The following LRRC15 variants were observed in gnomAD, a reference collection of about 807,000 sequenced individuals.
LRRC15 encodes leucine-rich repeat-containing protein 15.
Under a neutral mutation model 4.3 loss-of-function variants are expected in LRRC15, and 5 were observed. That is an observed-to-expected ratio of 1.16 (90% CI 0.61 to 2.44). The LOEUF is 2.44. Ranked by LOEUF, LRRC15 falls within the 30% of genes most tolerant of loss-of-function variation. LRRC15 has a pLI of 0.01. For missense variants in LRRC15, 769 were observed against 747.0 expected (o/e 1.03, Z -0.34); for synonymous variants, 337 against 323.2 (o/e 1.04, Z -0.46).
In LRRC15 at chr3:194,360,775, G is replaced by A. The variant is rs544084516; in HGVS notation, c.269C>T (p.Ser90Leu). Residue 90 changes from serine to leucine, a missense_variant, in exon 2 of 2, where the codon TCG becomes TTG. Transcript: ENST00000347624. Reference sequence around the variant, plus strand: ...TCGGAAGGCCCCAGGCGTGATGCGCGACAGCTCATTCTTCTCAATCCTCAG... The same window carrying A: ...TCGGAAGGCCCCAGGCGTGATGCGCAACAGCTCATTCTTCTCAATCCTCAG... ...IALRIEKNELSRITPGAFRNL... is the reference protein window; with the variant it reads ...IALRIEKNELLRITPGAFRNL... 33 of 1,614,214 alleles carry A rather than the reference G, an allele frequency of 2.0e-5. No individual in the cohort carries two copies. The highest frequency in any genetic ancestry group is 1.6e-4 in the Middle Eastern group (1 of 6,062).
intron 1 of LRRC15, among the ~76,000 whole-genome samples, chr3:194,363,621 CAT>C (rs1378823598): frequency 6.7e-6 from 1 of 148,722 alleles, no homozygotes; most frequent in Non-Finnish European, 1.5e-5. Context: ...AGAAGTATCA[CAT>C]GTGGAAAAAA....
Position 194,359,436 on chromosome 3 carries a change from C to G in LRRC15, c.1608G>C (p.Gln536His). 3 of 1,614,190 alleles carry G rather than the reference C, an allele frequency of 1.9e-6. No individual in the cohort carries two copies. The highest frequency in any genetic ancestry group is 2.2e-5 in the East Asian group (1 of 44,862). ...DRSVWGMTQA[Q>H]SGLAIAAIVI... Reference sequence around the variant, plus strand: ...CAATGGCGGCAATGGCCAGCCCGCTCTGGGCCTGGGTCATGCCCCAAACGC... The same window carrying G: ...CAATGGCGGCAATGGCCAGCCCGCTGTGGGCCTGGGTCATGCCCCAAACGC... Residue 536 changes from glutamine to histidine, a missense_variant, in exon 2 of 2, where the codon CAG becomes CAC. Gln to His is a conservative substitution (Grantham distance 24). Coordinates refer to ENST00000347624, the MANE Select transcript of LRRC15 (RefSeq NM_130830.5).
chr3:194,365,689 A>G (rs186421505), intron 1 of LRRC15, among the ~76,000 whole-genome samples: 2 of 152,118 alleles, frequency 1.3e-5, no homozygotes, highest in African/African-American at 4.8e-5. Flanking sequence ...TCTCTTCCCC[A>G]GAGGACCTGC....
At chr3:194,367,153 A>G (rs907790321) in intron 1 of LRRC15, among the ~76,000 whole-genome samples, 2 of 152,090 alleles carry the variant, frequency 1.3e-5, no homozygotes, top group Admixed American at 6.5e-5. Flanking sequence ...TGTTTGTTCA[A>G]TTCCACCTGA....
intron 1 of LRRC15, chr3:194,363,353 T>C (rs1713689901): frequency 1.4e-6 from 1 of 714,260 alleles, no homozygotes; most frequent in Non-Finnish European, 2.6e-6. Context: ...GGAAAAAGAA[T>C]ACCTTGTCCA....
intron 1 of LRRC15, chr3:194,363,502 A>T (rs908232388): frequency 2.0e-6 from 1 of 498,328 alleles, no homozygotes; most frequent in African/African-American, 2.0e-5. Context: ...ACACCAAAAA[A>T]AGTGGCTCAA....
Position 194,359,495 on chromosome 3 carries a change from C to T in LRRC15, c.1549G>A (p.Asp517Asn), listed in dbSNP as rs1560044337. The change falls in exon 2 of 2, where the codon GAT becomes AAT. Residue 517 changes from aspartate (D) to asparagine (N), a missense_variant. By Grantham distance (23) the Asp-to-Asn change is conservative. Coordinates refer to ENST00000347624, the MANE Select transcript of LRRC15 (RefSeq NM_130830.5). ...TCAGTGACCTGAATGGTAGTCAGAT[C>T]AGTGTAGTCTTCCACAGGGCTGGTT... ...ELTSPVEDYTDLTTIQVTDDR... is the reference protein window; with the variant it reads ...ELTSPVEDYTNLTTIQVTDDR... The T allele has an allele frequency of 1.9e-6, 3 of 1,614,254 alleles. No individual in the cohort carries two copies. Among genetic ancestry groups the T allele is most frequent in the Non-Finnish European group, 8.5e-7 (1 of 1,180,046 alleles).
At position 194,355,475 on chromosome 3, in the gene LRRC15, G is replaced by A. The variant is rs1713399797; in HGVS notation, c.*3823C>T. On this transcript the variant is annotated 3_prime_UTR_variant, in exon 2 of 2. Transcript: ENST00000347624. ...AAGGCAGCATGAAGGCAGCGGGTTG[G>A]TGAGAACAATCTCTCCTTAAGAGAA... 1 of 152,274 alleles carries A rather than the reference G, an allele frequency of 6.6e-6. No homozygotes were observed. The highest frequency in any genetic ancestry group is 1.5e-5 in the Non-Finnish European group (1 of 68,072). The allele number at this position is 152,274 out of a possible 1,614,324, so 9.4% of individuals were successfully genotyped here.
At chr3:194,364,195 G>A (rs1713713435) in intron 1 of LRRC15, among the ~76,000 whole-genome samples, 1 of 152,300 alleles carries the variant, frequency 6.6e-6, no homozygotes, top group South Asian at 2.1e-4. Context: ...AAGACCTTAG[G>A]ATTCTAAGGC....
At chr3:194,363,463 C>G (rs975210214) in intron 1 of LRRC15, 4 of 620,716 alleles carry the variant, frequency 6.4e-6, no homozygotes, top group Non-Finnish European at 8.8e-6. Context: ...CAGAACCCAG[C>G]AACAGAAAAC....
Position 194,359,294 on chromosome 3 carries a change from C to T in LRRC15, c.*4G>A, listed in dbSNP as rs1560044133. ...ATTCCCCAGCCCTGCTCCAGCCTGC[C>T]TCTTTAACACTCATTGGGTGCCTTC... is the stretch of plus-strand genomic sequence containing the variant. On this transcript the variant is annotated 3_prime_UTR_variant, in exon 2 of 2. Coordinates refer to ENST00000347624, the MANE Select transcript of LRRC15 (RefSeq NM_130830.5). 1.3e-6 allele frequency: 2 copies of T among 1,549,720 alleles called. No homozygotes were observed. Among genetic ancestry groups the T allele is most frequent in the South Asian group, 2.5e-5 (2 of 80,166 alleles).
chr3:194,356,137 A>C lies in LRRC15; in HGVS notation c.*3161T>G, dbSNP rs1713418848. On this transcript the variant is annotated 3_prime_UTR_variant, in exon 2 of 2. Transcript: ENST00000347624. ...CTATTGAACACCATGCAGAAGAGCA[A>C]GTGCCTCTGTACCCCATCACAAGTG... 1 of 152,260 alleles carries C rather than the reference A, an allele frequency of 6.6e-6. No individual in the cohort carries two copies. The highest frequency in any genetic ancestry group is 2.1e-4 in the South Asian group (1 of 4,832). 9.4% of individuals were successfully genotyped at this position (152,260 alleles called of 1,614,324 possible). A position where few individuals can be genotyped will look rare whatever the true frequency, so the allele number is the denominator to read the frequency against.
intron 1 of LRRC15, 124 bp from the exon 2 acceptor site, chr3:194,361,170 C>T (rs1017515798): frequency 1.8e-5 from 14 of 776,618 alleles, no homozygotes; most frequent in African/African-American, 3.5e-5. Flanking sequence ...ACATACTGAA[C>T]ACATGCTCTC....
In LRRC15 at chr3:194,359,644, A is replaced by G. The variant is rs1214590465; in HGVS notation, c.1400T>C (p.Ile467Thr). Residue 467 changes from isoleucine (I) to threonine (T), a missense_variant, in exon 2 of 2, where the codon ATC becomes ACC. Physicochemically the swap from Ile to Thr is moderately conservative, Grantham distance 89. Transcript: ENST00000347624. ...GCTTGGAACAGCAACGTTGACATTG[A>G]TGATAATGAGGGACTGGCCTCGGAC... ...ANVRGQSLII[I>T]NVNVAVPSVH... The G allele has an allele frequency of 6.2e-7, 1 of 1,614,112 alleles. No individual in the cohort carries two copies. Among genetic ancestry groups the G allele is most frequent in the African/African-American group, 1.3e-5 (1 of 75,064 alleles).
Position 194,368,655 on chromosome 3 carries a change from A to C in LRRC15, c.-4+1006T>G, listed in dbSNP as rs866474679. On this transcript the variant is annotated intron_variant, in intron 1 of 1. Transcript: ENST00000347624. Reference sequence around the variant, plus strand: ...AGATAACCCCAAAGGAGAAGCTGGCACGTGGCAGACAGGCACCTGGCACCT... The same window carrying C: ...AGATAACCCCAAAGGAGAAGCTGGCCCGTGGCAGACAGGCACCTGGCACCT... Among the ~76,000 whole-genome samples the C allele has an allele frequency of 3.3e-5, 5 of 152,140 alleles. No homozygotes were observed. The South Asian group carries it at 8.3e-4, about 25-fold the overall frequency.
intron 1 of LRRC15, among the ~76,000 whole-genome samples, chr3:194,369,442 G>A (rs1370494197): frequency 1.3e-5 from 2 of 152,236 alleles, no homozygotes; most frequent in African/African-American, 2.4e-5. Flanking sequence ...TGAGGCATCA[G>A]CAGAGGGGCT....
At chr3:194,366,800 T>C (rs2108660409) in intron 1 of LRRC15, among the ~76,000 whole-genome samples, 1 of 149,672 alleles carries the variant, frequency 6.7e-6, no homozygotes. Context: ...AACCGTCTGC[T>C]CATTTTGTAG....
At chr3:194,363,390 G>A in intron 1 of LRRC15, 1 of 712,798 alleles carries the variant, frequency 1.4e-6, no homozygotes, top group South Asian at 1.5e-5. Context: ...AAGGAATGGG[G>A]CCAGGTTATG....
intron 1 of LRRC15, chr3:194,363,228 C>T (rs1167698496): frequency 3.8e-5 from 19 of 500,690 alleles, no homozygotes; most frequent in South Asian, 1.5e-4. Context: ...CATGAGCCAC[C>T]GTGCCCGGCC....
Sources: allele counts gnomAD v4.1 joint callset (sites outside exome capture counted in the v4.1 genomes callset), GRCh38; gene constraint gnomAD v4.1.1; transcripts MANE v1.5; gene names NCBI Gene and HGNC (gene_info 2026-07-23, HGNC 2026-07-21).